Variants in ATXN7L1 observed in about 807,000 individuals in gnomAD.
The protein encoded by ATXN7L1 is ataxin 7 like 1.
In ATXN7L1, 15 loss-of-function variants were observed where a neutral mutation model predicts 70.8. That is an observed-to-expected ratio of 0.21 (90% CI 0.14 to 0.33). ATXN7L1 has a LOEUF of 0.33. Among genes scored for constraint, ATXN7L1 ranks in the 10% least tolerant of loss-of-function variants. The pLI, the probability that ATXN7L1 is intolerant of heterozygous loss-of-function variation, is 1.00. For missense variants in ATXN7L1, 975 were observed against 1,097.1 expected, an observed-to-expected ratio of 0.89 and a Z score of 1.57; for synonymous variants, 440 against 445.1, an observed-to-expected ratio of 0.99 and a Z score of 0.14.
At chr7:105,813,578 C>T (rs1228487567) in intron 2 of ATXN7L1, among the ~76,000 whole-genome samples, 1 of 152,142 alleles carries the variant, frequency 6.6e-6, no homozygotes, top group African/African-American at 2.4e-5. Context: ...CTCAGGTGAT[C>T]CACCCGCCTC....
intron 4 of ATXN7L1, among the ~76,000 whole-genome samples, chr7:105,655,246 T>C (rs2116002620): frequency 6.6e-6 from 1 of 152,332 alleles, no homozygotes; most frequent in South Asian, 2.1e-4. Context: ...ACGGCCTCCC[T>C]GTCCTGGAAG....
chr7:105,830,449 G>A (rs1313017560), intron 2 of ATXN7L1, among the ~76,000 whole-genome samples: 1 of 152,252 alleles, frequency 6.6e-6, no homozygotes, highest in Non-Finnish European at 1.5e-5. Context: ...GGCGGGTGTG[G>A]GGTATGGCCA....
At chr7:105,641,132 A>C (rs1798109778) in intron 5 of ATXN7L1, among the ~76,000 whole-genome samples, 1 of 150,056 alleles carries the variant, frequency 6.7e-6, no homozygotes, top group African/African-American at 2.4e-5. Flanking sequence ...TCTATACCCA[A>C]GACAGATTCC....
At chr7:105,741,545 T>G (rs1302963048) in intron 3 of ATXN7L1, among the ~76,000 whole-genome samples, 1 of 152,024 alleles carries the variant, frequency 6.6e-6, no homozygotes, top group African/African-American at 2.4e-5. Context: ...TCAGCCCGTG[T>G]GGAAGGTGAG....
At chr7:105,617,869 G>A (rs898768254) in intron 9 of ATXN7L1, 14 of 452,578 alleles carry the variant, frequency 3.1e-5, no homozygotes, top group Non-Finnish European at 5.3e-5. Context: ...AGTCTTGGCC[G>A]TTCCTTTTCT....
intron 3 of ATXN7L1, among the ~76,000 whole-genome samples, chr7:105,720,332 G>A (rs1017862058): frequency 3.9e-5 from 6 of 151,972 alleles, no homozygotes; most frequent in African/African-American, 9.7e-5. Context: ...TCAGAAGTTC[G>A]AGACCAGTCT....
At chr7:105,753,518 A>G (rs1193955271) in intron 3 of ATXN7L1, among the ~76,000 whole-genome samples, 1 of 152,132 alleles carries the variant, frequency 6.6e-6, no homozygotes, top group East Asian at 1.9e-4. Flanking sequence ...CCTATCTATG[A>G]TGTGGTTGTT....
rs142933944 is a variant in ATXN7L1, at chr7:105,618,360, T to C, written c.1517+1840A>G. On this transcript the variant is annotated intron_variant, in intron 9 of 11. Transcript: ENST00000419735. ...ACACAAGTAAATATCAAGGGTGCCCTTTACACACACTGGGCAGTCACTTAA... is the reference window on the plus strand; with the variant it reads ...ACACAAGTAAATATCAAGGGTGCCCCTTACACACACTGGGCAGTCACTTAA... Among the ~76,000 whole-genome samples the C allele has an allele frequency of 1.8e-3, 267 of 152,292 alleles. 1 individual carries two copies. Among genetic ancestry groups the C allele is most frequent in the African/African-American group, 6.0e-3 (250 of 41,558 alleles).
intron 3 of ATXN7L1, among the ~76,000 whole-genome samples, chr7:105,736,612 T>C (rs1178876111): frequency 1.3e-5 from 2 of 152,206 alleles, no homozygotes; most frequent in Admixed American, 6.5e-5. Flanking sequence ...AAAAGTCTCT[T>C]CTTGAACTTT....
At chr7:105,634,551 T>C (rs1797087286) in intron 7 of ATXN7L1, among the ~76,000 whole-genome samples, 1 of 152,172 alleles carries the variant, frequency 6.6e-6, no homozygotes, top group Non-Finnish European at 1.5e-5. Flanking sequence ...AAATGGGGTC[T>C]CGCTATGTTG....
chr7:105,627,563 GCT>G (rs1795896002), intron 7 of ATXN7L1, among the ~76,000 whole-genome samples: 1 of 142,532 alleles, frequency 7.0e-6, no homozygotes, highest in South Asian at 2.2e-4. Context: ...AAAGAGTCTT[GCT>G]CTGTTGCCCA....
chr7:105,656,130 A>G (rs1444856305), intron 4 of ATXN7L1, among the ~76,000 whole-genome samples: 3 of 152,142 alleles, frequency 2.0e-5, no homozygotes, highest in Non-Finnish European at 4.4e-5. Context: ...TTCCCCATCA[A>G]TTCGCCAGGC....
intron 4 of ATXN7L1, among the ~76,000 whole-genome samples, chr7:105,662,888 C>T (rs1801936945): frequency 6.6e-6 from 1 of 152,146 alleles, no homozygotes; most frequent in Admixed American, 6.6e-5. Flanking sequence ...TGAACATATA[C>T]TATGATCCAG....
At chr7:105,649,869 C>T (rs1426082877) in intron 4 of ATXN7L1, among the ~76,000 whole-genome samples, 1 of 152,162 alleles carries the variant, frequency 6.6e-6, no homozygotes, top group Non-Finnish European at 1.5e-5. Context: ...TGATTTCCTC[C>T]ACCAATTCCT....
At chr7:105,808,809 T>C (rs1179718435) in intron 2 of ATXN7L1, among the ~76,000 whole-genome samples, 2 of 152,148 alleles carry the variant, frequency 1.3e-5, no homozygotes, top group African/African-American at 4.8e-5. Flanking sequence ...ACCCACCATT[T>C]TGAAAAATGA....
At chr7:105,817,659 A>G (rs945216201) in intron 2 of ATXN7L1, among the ~76,000 whole-genome samples, 1 of 152,158 alleles carries the variant, frequency 6.6e-6, no homozygotes, top group Non-Finnish European at 1.5e-5. Flanking sequence ...GCTCACACCT[A>G]TAATCCCAGC....
At chr7:105,875,507 C>T (rs762473565) in intron 2 of ATXN7L1, among the ~76,000 whole-genome samples, 2 of 151,906 alleles carry the variant, frequency 1.3e-5, no homozygotes, top group Non-Finnish European at 2.9e-5. Context: ...GAAATTTTAA[C>T]GCCCCACCAT....
At chr7:105,613,821 C>T (rs1793424611) in intron 10 of ATXN7L1, 41 bp downstream of exon 10, 2 of 1,551,514 alleles carry the variant, frequency 1.3e-6, no homozygotes, top group Non-Finnish European at 1.7e-6. Flanking sequence ...GCTCCCCCTG[C>T]CCCCCAGAGC....
At chr7:105,727,777 T>TATACACACAC (rs1462125950) in intron 3 of ATXN7L1, among the ~76,000 whole-genome samples, 25 of 90,194 alleles carry the variant, frequency 2.8e-4, no homozygotes, top group African/African-American at 1.3e-3. Flanking sequence ...TATATATATA[T>TATACACACAC]ACACACACAT....
Sources: gnomAD v4.1 joint callset for allele counts (sites outside exome capture counted in the v4.1 genomes callset) on GRCh38, gnomAD v4.1.1 for gene constraint, MANE v1.5 for transcripts, NCBI Gene and HGNC (gene_info 2026-07-23, HGNC 2026-07-21) for gene names.